NR3C1: variants seen among roughly 807,000 people sequenced by gnomAD.
NR3C1 encodes nuclear receptor subfamily 3 group C member 1.
In NR3C1, 14 loss-of-function variants were observed where a neutral mutation model predicts 74.0. The observed-to-expected ratio is 0.19, with a 90% confidence interval of 0.12 to 0.30. The LOEUF (loss-of-function observed/expected upper bound fraction) is 0.30, where lower values mean the gene tolerates loss of function less well. Among genes scored for constraint, NR3C1 ranks in the 10% least tolerant of loss-of-function variants. The pLI, the probability that NR3C1 is intolerant of heterozygous loss-of-function variation, is 1.00. For synonymous variants in NR3C1, 308 were observed against 332.5 expected (o/e 0.93, Z 0.80); for missense variants, 695 against 909.8 (o/e 0.76, Z 3.04).
At position 143,399,782 on chromosome 5, in the gene NR3C1, A is replaced by G; in HGVS notation, c.1058T>C (p.Val353Ala). ...GGAACCAACGGGAATTGGTGGAATG[A>G]CATTAAAAATAGGCTTCTGATCCTG... ...QQQDQKPIFN[V>A]IPPIPVGSEN... The change falls in exon 2 of 9, where the codon GTC becomes GCC. Residue 353 changes from valine (V) to alanine (A), a missense_variant. Physicochemically the swap from Val to Ala is moderately conservative, Grantham distance 64. Coordinates refer to ENST00000394464, the MANE Select transcript of NR3C1 (RefSeq NM_000176.3). 1 of 1,614,212 alleles carries G rather than the reference A, an allele frequency of 6.2e-7. No homozygotes were observed. Among genetic ancestry groups the G allele is most frequent in the South Asian group, 1.1e-5 (1 of 91,088 alleles).
chr5:143,288,922 T>C (rs1815203449), intron 7 of NR3C1, among the ~76,000 whole-genome samples: 1 of 151,778 alleles, frequency 6.6e-6, no homozygotes. Context: ...CTGGCCAACA[T>C]GGCGAAACCC....
intron 2 of NR3C1, among the ~76,000 whole-genome samples, chr5:143,354,018 G>T (rs1001381147): frequency 6.6e-6 from 1 of 152,186 alleles, no homozygotes; most frequent in African/African-American, 2.4e-5. Flanking sequence ...TTCTGTATCA[G>T]CACTTGCTGC....
At chr5:143,305,616 CA>C in intron 4 of NR3C1, among the ~76,000 whole-genome samples, 1 of 152,230 alleles carries the variant, frequency 6.6e-6, no homozygotes, top group African/African-American at 2.4e-5. Flanking sequence ...AGCAGGCGGC[CA>C]GTATCCTACA....
intron 7 of NR3C1, among the ~76,000 whole-genome samples, chr5:143,292,751 G>C (rs174050): frequency 7.9e-5 from 12 of 151,890 alleles, no homozygotes; most frequent in Non-Finnish European, 4.4e-5. Context: ...AGTCTTCCTG[G>C]CTTCAGTGGC....
chr5:143,337,198 C>G (rs1259867067), intron 2 of NR3C1, among the ~76,000 whole-genome samples: 1 of 151,520 alleles, frequency 6.6e-6, no homozygotes, highest in African/African-American at 2.4e-5. Flanking sequence ...GAAAAATGGA[C>G]AAAAAAACTT....
intron 2 of NR3C1, chr5:143,375,620 C>G (rs1835058110): frequency 6.6e-6 from 1 of 152,130 alleles, no homozygotes. Flanking sequence ...ATTTTTAATA[C>G]AAATTATGCA....
At chr5:143,398,730 G>C (rs1302426348) in intron 2 of NR3C1, among the ~76,000 whole-genome samples, 1 of 152,038 alleles carries the variant, frequency 6.6e-6, no homozygotes, top group South Asian at 2.1e-4. Context: ...CTGAATTGGG[G>C]ATGAGGTTAC....
At chr5:143,432,118 T>C (rs1162087976) in intron 1 of NR3C1, among the ~76,000 whole-genome samples, 1 of 152,198 alleles carries the variant, frequency 6.6e-6, no homozygotes. Flanking sequence ...AGCCCTGTCA[T>C]GAGCCACTAG....
chr5:143,396,386 A>G (rs1420067319), intron 2 of NR3C1, among the ~76,000 whole-genome samples: 1 of 151,828 alleles, frequency 6.6e-6, no homozygotes. Context: ...TATTAAGCTT[A>G]AAAAACACTG....
chr5:143,412,399 G>A (rs1047060038), intron 1 of NR3C1, among the ~76,000 whole-genome samples: 1 of 152,050 alleles, frequency 6.6e-6, no homozygotes, highest in African/African-American at 2.4e-5. Flanking sequence ...TCCATGCCTT[G>A]AGCCTATCCC....
intron 2 of NR3C1, among the ~76,000 whole-genome samples, chr5:143,327,549 C>T (rs1444757943): frequency 6.6e-6 from 1 of 152,212 alleles, no homozygotes; most frequent in Non-Finnish European, 1.5e-5. Flanking sequence ...TGAGACATGG[C>T]AAGTCCCTTC....
intron 2 of NR3C1, 36 bp downstream of exon 2, chr5:143,399,620 T>C (rs771665900): frequency 2.1e-6 from 3 of 1,398,598 alleles, no homozygotes; most frequent in East Asian, 4.6e-5. Context: ...ACCTTAAATG[T>C]ACCATTCTTA....
chr5:143,281,931 A>G lies in NR3C1; in HGVS notation c.2292T>C (p.Tyr764=). 2 of 1,613,542 alleles carry G rather than the reference A, an allele frequency of 1.2e-6. No homozygotes were observed. The highest frequency in any genetic ancestry group is 1.7e-6 in the Non-Finnish European group (2 of 1,179,666). ...AEIITNQIPK[Y]SNGNIKKLLF... ...GAAGTTTTTTGATATTTCCATTTGA[A>G]TATTTTGGTATCTGATTGGTGATGA... The change falls in exon 9 of 9, where the codon TAT becomes TAC. Residue 764 remains tyrosine (Y), a synonymous_variant. Coordinates refer to ENST00000394464, the MANE Select transcript of NR3C1 (RefSeq NM_000176.3).
At chr5:143,336,011 T>G (rs1397934202) in intron 2 of NR3C1, among the ~76,000 whole-genome samples, 16 of 152,256 alleles carry the variant, frequency 1.1e-4, no homozygotes. Flanking sequence ...TCTGGTGAAC[T>G]GGCTATTGAT....
chr5:143,279,018 C>A lies in NR3C1; in HGVS notation c.*2871G>T, dbSNP rs1006765664. Reference sequence around the variant, plus strand: ...GTATCCCACAGAATACCTACAAACACTAAAAATACTTTTCAGGATTTGTTG... The same window carrying A: ...GTATCCCACAGAATACCTACAAACAATAAAAATACTTTTCAGGATTTGTTG... On this transcript the variant is annotated 3_prime_UTR_variant, in exon 9 of 9. Transcript: ENST00000394464. 7.1e-6 allele frequency: 2 copies of A among 280,936 alleles called. No individual in the cohort carries two copies. Among genetic ancestry groups the A allele is most frequent in the Non-Finnish European group, 1.3e-5 (2 of 151,320 alleles). The allele number at this position is 280,936 out of a possible 1,614,324, so 17.4% of individuals were successfully genotyped here.
intron 2 of NR3C1, among the ~76,000 whole-genome samples, chr5:143,340,852 A>C (rs955693778): frequency 6.6e-6 from 1 of 152,084 alleles, no homozygotes; most frequent in African/African-American, 2.4e-5. Flanking sequence ...AGGCTTGGGG[A>C]TACATGTGAG....
At chr5:143,352,175 T>C (rs1830353433) in intron 2 of NR3C1, among the ~76,000 whole-genome samples, 1 of 152,142 alleles carries the variant, frequency 6.6e-6, no homozygotes, top group Non-Finnish European at 1.5e-5. Context: ...TGACAAAATA[T>C]GCTTAGCAAA....
intron 7 of NR3C1, among the ~76,000 whole-genome samples, chr5:143,292,472 A>G (rs1353059795): frequency 6.6e-6 from 1 of 151,988 alleles, no homozygotes; most frequent in African/African-American, 2.4e-5. Context: ...GGGCCTGTTG[A>G]ATTAGTTTTC....
chr5:143,418,621 G>A (rs551837122), intron 1 of NR3C1, among the ~76,000 whole-genome samples: 1 of 152,308 alleles, frequency 6.6e-6, no homozygotes, highest in African/African-American at 2.4e-5. Flanking sequence ...TCCCAGTTAA[G>A]AGGGCACAGG....
Sources: allele counts gnomAD v4.1 joint callset (sites outside exome capture counted in the v4.1 genomes callset), GRCh38; gene constraint gnomAD v4.1.1; transcripts MANE v1.5; gene names NCBI Gene and HGNC (gene_info 2026-07-23, HGNC 2026-07-21).